The following ANKRD36B variants were observed in gnomAD, a reference collection of about 807,000 sequenced individuals.
The protein encoded by ANKRD36B is ankyrin repeat domain 36B, also known as ankyrin repeat domain-containing protein 36B.
ANKRD36B carries 37 observed loss-of-function variants against 135.7 expected under a neutral mutation model. The observed-to-expected ratio is 0.27, with a 90% CI of 0.21 to 0.36. ANKRD36B has a LOEUF of 0.36. Ranked by LOEUF, ANKRD36B falls within the 10% of genes least tolerant of loss-of-function variation. The pLI, the probability that ANKRD36B is intolerant of heterozygous loss-of-function variation, is 1.00. For synonymous variants in ANKRD36B, 179 were observed against 348.1 expected (o/e 0.51, Z 5.41); for missense variants, 549 against 1,037.1 (o/e 0.53, Z 6.46).
intron 6 of ANKRD36B, among the ~76,000 whole-genome samples, chr2:97,569,857 G>C (rs1032512955): frequency 5.9e-5 from 9 of 151,958 alleles, no homozygotes; most frequent in African/African-American, 2.2e-4. Context: ...CAGAATTATA[G>C]TATATAAAAG....
intron 5 of ANKRD36B, among the ~76,000 whole-genome samples, chr2:97,578,245 A>C (rs1029932453): frequency 9.2e-5 from 14 of 151,928 alleles, no homozygotes; most frequent in African/African-American, 1.7e-4. Context: ...ACTAAAAAAA[A>C]CAGTTGTAAC....
intron 12 of ANKRD36B, among the ~76,000 whole-genome samples, chr2:97,556,601 C>T (rs897276539): frequency 6.6e-6 from 1 of 151,858 alleles, no homozygotes; most frequent in Non-Finnish European, 1.5e-5. Context: ...TCTATAATTT[C>T]TGTTACTTCT....
chr2:97,541,884 T>G, intron 28 of ANKRD36B, 27 bp downstream of exon 28: 1 of 893,908 alleles, frequency 1.1e-6, no homozygotes, highest in South Asian at 1.3e-5. Flanking sequence ...TGATCGAACA[T>G]TACATTAAAG....
intron 10 of ANKRD36B, 42 bp from the exon 11 acceptor site, chr2:97,557,174 T>C (rs1474602467): frequency 2.0e-6 from 3 of 1,500,628 alleles, no homozygotes; most frequent in South Asian, 2.6e-5. Flanking sequence ...TATGTAAATA[T>C]GACAAAGTCG....
intron 8 of ANKRD36B, among the ~76,000 whole-genome samples, chr2:97,559,447 T>C (rs2080829420): frequency 6.6e-6 from 1 of 151,850 alleles, no homozygotes; most frequent in African/African-American, 2.4e-5. Context: ...GGTACACAAT[T>C]ACGATGACAA....
chr2:97,523,584 C>T lies in ANKRD36B; in HGVS notation c.2266-117G>A, dbSNP rs2078045193. 13 of 714,174 alleles carry T rather than the reference C, an allele frequency of 1.8e-5. 2 individuals are homozygous for T. The South Asian group carries it at 2.0e-4, about 11-fold the overall frequency. The allele number at this position is 714,174 out of a possible 1,614,324, so 44.2% of individuals were successfully genotyped here. On this transcript the variant is annotated intron_variant, in intron 35 of 43. Coordinates refer to ENST00000359901, the MANE Select transcript of ANKRD36B (RefSeq NM_001393939.1). ...ATGAGCACAAACACAGGTACCTGTT[C>T]CATACTTTTTTTTTAAGCAATTTCC... is the stretch of plus-strand genomic sequence containing the variant.
chr2:97,562,867 T>C (rs1191650793), intron 6 of ANKRD36B, among the ~76,000 whole-genome samples: 1 of 152,044 alleles, frequency 6.6e-6, no homozygotes, highest in Non-Finnish European at 1.5e-5. Flanking sequence ...CTCTCTCCCA[T>C]AGACACTCTT....
chr2:97,556,644 G>A (rs1158686220), intron 12 of ANKRD36B, among the ~76,000 whole-genome samples: 1 of 151,732 alleles, frequency 6.6e-6, no homozygotes, highest in Non-Finnish European at 1.5e-5. Flanking sequence ...ATAGAAACAT[G>A]CTCTGAAATA....
intron 20 of ANKRD36B, 112 bp from the exon 21 acceptor site, chr2:97,547,843 C>G: frequency 7.0e-7 from 1 of 1,434,280 alleles, no homozygotes; most frequent in Non-Finnish European, 9.5e-7. Context: ...TTAGCATAGG[C>G]TTTGATGGCT....
At chr2:97,550,566 C>T (rs574124268) in intron 18 of ANKRD36B, among the ~76,000 whole-genome samples, 1 of 151,774 alleles carries the variant, frequency 6.6e-6, no homozygotes, top group African/African-American at 2.4e-5. Context: ...TGTTCATATT[C>T]AAGTTTATCT....
Position 97,570,313 on chromosome 2 carries a change from A to C in ANKRD36B, c.763+6066T>G, listed in dbSNP as rs1272380558. 2.6e-5 allele frequency among the ~76,000 whole-genome samples: 4 copies of C among 152,216 alleles called. 1 individual carries two copies. Among genetic ancestry groups the C allele is most frequent in the Admixed American group, 2.0e-4 (3 of 15,282 alleles). On this transcript the variant is annotated intron_variant, in intron 6 of 43. Transcript: ENST00000359901. ...TTAAGTTGGGGCTGTAACTGCTGTG[A>C]AGAAAATAATTCATATAACAGTCAT...
At chr2:97,563,179 A>G (rs2081176842) in intron 6 of ANKRD36B, among the ~76,000 whole-genome samples, 1 of 152,010 alleles carries the variant, frequency 6.6e-6, no homozygotes, top group Non-Finnish European at 1.5e-5. Flanking sequence ...AACTTATTTA[A>G]CTACAATGAC....
At chr2:97,534,071 A>G (rs2104476543) in intron 34 of ANKRD36B, among the ~76,000 whole-genome samples, 1 of 94,416 alleles carries the variant, frequency 1.1e-5, no homozygotes, top group South Asian at 2.4e-4. Context: ...AAAAAAAAAA[A>G]GTGTATAATA....
At chr2:97,525,771 A>G (rs1314074137) in intron 35 of ANKRD36B, among the ~76,000 whole-genome samples, 1 of 97,778 alleles carries the variant, frequency 1.0e-5, no homozygotes, top group South Asian at 2.3e-4. Context: ...TGGCTCAGAC[A>G]GTCCTATGCC....
intron 1 of ANKRD36B, among the ~76,000 whole-genome samples, chr2:97,587,838 T>A (rs1200974386): frequency 1.3e-5 from 2 of 152,158 alleles, no homozygotes. Context: ...TTTTTTTAAC[T>A]TAAATACCTT....
At chr2:97,572,024 G>T (rs1413928179) in intron 6 of ANKRD36B, among the ~76,000 whole-genome samples, 5 of 152,068 alleles carry the variant, frequency 3.3e-5, no homozygotes, top group Non-Finnish European at 5.9e-5. Flanking sequence ...CATAATTCCA[G>T]CACTTTGGGA....
At chr2:97,551,525 C>T (rs777789109) in intron 16 of ANKRD36B, 45 bp from the exon 17 acceptor site, 7 of 1,605,160 alleles carry the variant, frequency 4.4e-6, no homozygotes, top group African/African-American at 2.7e-5. Context: ...GTAACTATGA[C>T]AAAGTTATCC....
chr2:97,553,736 ATG>A (rs1485760684), intron 14 of ANKRD36B, among the ~76,000 whole-genome samples: 4 of 151,964 alleles, frequency 2.6e-5, no homozygotes, highest in Non-Finnish European at 5.9e-5. Flanking sequence ...ATGCACCCAC[ATG>A]TCTTTTATGC....
intron 1 of ANKRD36B, among the ~76,000 whole-genome samples, chr2:97,588,819 A>T (rs2104408667): frequency 9.0e-6 from 1 of 111,598 alleles, no homozygotes; most frequent in East Asian, 2.4e-4. Context: ...CAGGAAGTTG[A>T]TATATTATGG....
Sources: gnomAD v4.1 joint callset for allele counts (sites outside exome capture counted in the v4.1 genomes callset) on GRCh38, gnomAD v4.1.1 for gene constraint, MANE v1.5 for transcripts, NCBI Gene and HGNC (gene_info 2026-07-23, HGNC 2026-07-21) for gene names.